PLAC1: variants seen among roughly 807,000 people sequenced by gnomAD.
PLAC1 encodes the protein placenta-specific protein 1.
For missense variants in PLAC1, 136 were observed against 163.2 expected (o/e 0.83, Z 0.91); for synonymous variants, 68 against 62.1 (o/e 1.09, Z -0.44).
chrX:134,751,106 C>T (rs1199898897), intron 1 of PLAC1, among the ~76,000 whole-genome samples: 3 of 83,168 alleles, frequency 3.6e-5, no homozygotes, highest in African/African-American at 1.5e-4. Flanking sequence ...CTGGGCAACA[C>T]AGCAAGGCTC....
At chrX:134,699,412 C>T (rs1303090830) in intron 2 of PLAC1, among the ~76,000 whole-genome samples, 1 of 111,889 alleles carries the variant, frequency 8.9e-6, no homozygotes, top group Admixed American at 9.5e-5. Flanking sequence ...AAGGCCTTCA[C>T]AGACACCAAG....
At chrX:134,644,699 C>T (rs114724188) in intron 1 of PLAC1, among the ~76,000 whole-genome samples, 1,423 of 110,635 alleles carry the variant, frequency 0.013, 29 homozygotes, top group African/African-American at 0.045. Context: ...GGCACCACCA[C>T]TTTTGAAGTC....
intron 1 of PLAC1, among the ~76,000 whole-genome samples, chrX:134,748,495 G>A (rs746917468): frequency 5.4e-5 from 6 of 111,477 alleles, no homozygotes; most frequent in Middle Eastern, 9.2e-3. Flanking sequence ...CTACTGAATC[G>A]CCTGTCTTCT....
In PLAC1 at chrX:134,741,218, C is replaced by T. The variant is rs181687227; in HGVS notation, n.90-7699G>A. On this transcript the variant is annotated intron_variant and non_coding_transcript_variant, in intron 1 of 2. Coordinates refer to the PLAC1 transcript ENST00000466797. ...ACCACTTTGGGTAAACAGAAGCTAGCTTTATGAGGTTTTATTGTTTATGTT... is the reference window on the plus strand; with the variant it reads ...ACCACTTTGGGTAAACAGAAGCTAGTTTTATGAGGTTTTATTGTTTATGTT... 5.7e-3 allele frequency among the ~76,000 whole-genome samples: 638 copies of T among 111,851 alleles called. 6 individuals carry two copies. The highest frequency in any genetic ancestry group is 9.8e-3 in the South Asian group (26 of 2,664).
At chrX:134,647,369 G>A (rs753126902) in intron 1 of PLAC1, among the ~76,000 whole-genome samples, 1 of 110,280 alleles carries the variant, frequency 9.1e-6, no homozygotes, top group Non-Finnish European at 1.9e-5. Flanking sequence ...GTGTTGAACT[G>A]AGGGAATGTT....
upstream of PLAC1, among the ~76,000 whole-genome samples, chrX:134,660,106 A>ATT (rs66486462): frequency 5.2e-5 from 5 of 96,485 alleles, no homozygotes; most frequent in African/African-American, 1.8e-4. Flanking sequence ...ATGTTCAAAG[A>ATT]TTTTTTTTTT....
At chrX:134,581,005 A>G (rs868491415) in intron 2 of PLAC1, among the ~76,000 whole-genome samples, 2 of 112,237 alleles carry the variant, frequency 1.8e-5, no homozygotes, top group African/African-American at 6.5e-5. Flanking sequence ...GGTACCACAC[A>G]TTCTCCAACT....
intron 1 of PLAC1, among the ~76,000 whole-genome samples, chrX:134,759,884 G>C (rs920267253): frequency 9.0e-6 from 1 of 111,672 alleles, no homozygotes; most frequent in African/African-American, 3.3e-5. Context: ...TGTAGATAGA[G>C]AGTGGACAGA....
chrX:134,635,296 G>T (rs1318171015), intron 1 of PLAC1, among the ~76,000 whole-genome samples: 1 of 111,446 alleles, frequency 9.0e-6, no homozygotes, highest in Non-Finnish European at 1.9e-5. Context: ...TGGTCTGTCA[G>T]AGAACTTGGA....
At position 134,731,617 on chromosome X, in the gene PLAC1, G is replaced by A. The variant is rs2078689134; in HGVS notation, n.174+1818C>T. The stretch of plus-strand genomic sequence containing the variant: ...CAATATCGTAGGCCTACTACTGCCG[G>A]GGTAGAGCAGAGAGATTGGCACCAT... On this transcript the variant is annotated intron_variant and non_coding_transcript_variant, in intron 2 of 2. Coordinates refer to the PLAC1 transcript ENST00000466797. 2.7e-5 allele frequency among the ~76,000 whole-genome samples: 3 copies of A among 111,601 alleles called. No homozygotes were observed. In the Admixed American group the frequency reaches 2.9e-4, roughly 11 times the overall value.
chrX:134,675,573 G>A (rs1432140489), intron 2 of PLAC1, among the ~76,000 whole-genome samples: 14 of 111,116 alleles, frequency 1.3e-4, no homozygotes, highest in Admixed American at 1.1e-3. Context: ...GCTAAGGCAG[G>A]AGAATCGCTT....
At chrX:134,601,777 A>C (rs778354799) in intron 2 of PLAC1, 1 of 112,617 alleles carries the variant, frequency 8.9e-6, no homozygotes, top group East Asian at 2.8e-4. Flanking sequence ...CTAATTTAAA[A>C]ATTAATTTAG....
At chrX:134,597,677 T>C (rs183344955) in intron 2 of PLAC1, among the ~76,000 whole-genome samples, 101 of 112,044 alleles carry the variant, frequency 9.0e-4, no homozygotes, top group African/African-American at 3.1e-3. Flanking sequence ...ACTGCCAAAT[T>C]GGGGTAGAAG....
chrX:134,644,894 G>C (rs1443477174), intron 1 of PLAC1, among the ~76,000 whole-genome samples: 1 of 111,558 alleles, frequency 9.0e-6, no homozygotes, highest in Non-Finnish European at 1.9e-5. Flanking sequence ...ATATCCTCCA[G>C]TCCCTCTCCA....
chrX:134,622,312 C>T (rs1359643957), intron 1 of PLAC1, among the ~76,000 whole-genome samples: 1 of 111,856 alleles, frequency 8.9e-6, no homozygotes, highest in African/African-American at 3.3e-5. Context: ...AGAAGGGTTC[C>T]CTGAAACAAA....
intron 1 of PLAC1, among the ~76,000 whole-genome samples, chrX:134,641,017 C>T (rs745968990): frequency 1.3e-4 from 14 of 111,643 alleles, no homozygotes; most frequent in South Asian, 3.8e-4. Flanking sequence ...GAAACTGAGG[C>T]GAGAGGATTG....
At chrX:134,612,889 T>C (rs750783026) in intron 1 of PLAC1, among the ~76,000 whole-genome samples, 1 of 110,983 alleles carries the variant, frequency 9.0e-6, no homozygotes, top group African/African-American at 3.3e-5. Context: ...GGTCCTATTA[T>C]CCCATTTGTA....
Position 134,570,684 on chromosome X carries a change from A to G in PLAC1, c.-58-3944T>C, listed in dbSNP as rs140334301. On this transcript the variant is annotated intron_variant, in intron 2 of 2. Coordinates refer to ENST00000359237, the MANE Select transcript of PLAC1 (RefSeq NM_021796.4). ...TGTTGGTACACAGCGTCCTGAACTG[A>G]GCTATAGAGAGGTCAGGCAAACCCA... Among the ~76,000 whole-genome samples the G allele has an allele frequency of 7.4e-3, 834 of 111,948 alleles. 7 individuals carry two copies. The highest frequency in any genetic ancestry group is 0.024 in the African/African-American group (745 of 30,808).
intron 2 of PLAC1, among the ~76,000 whole-genome samples, chrX:134,706,005 T>C (rs2078603543): frequency 9.0e-6 from 1 of 111,347 alleles, no homozygotes; most frequent in African/African-American, 3.3e-5. Context: ...GTTTCTTCTG[T>C]CCCCTTTTTG....
Sources: gnomAD v4.1 joint callset for allele counts (sites outside exome capture counted in the v4.1 genomes callset) on GRCh38, gnomAD v4.1.1 for gene constraint, MANE v1.5 for transcripts, NCBI Gene and HGNC (gene_info 2026-07-23, HGNC 2026-07-21) for gene names.